The following PAIP2B variants were observed in gnomAD, a reference collection of about 807,000 sequenced individuals.
PAIP2B encodes polyadenylate-binding protein-interacting protein 2B.
PAIP2B carries 13 observed loss-of-function variants against 17.0 expected under a neutral mutation model. The ratio of observed to expected loss-of-function variants is 0.76; its 90% confidence interval spans 0.50 to 1.22. PAIP2B has a LOEUF of 1.22. Ranked by LOEUF, PAIP2B falls within the 50% of genes most tolerant of loss-of-function variation. The pLI is 0.00. For missense variants in PAIP2B, 117 were observed against 144.5 expected (o/e 0.81, Z 0.98); for synonymous variants, 43 against 48.7 (o/e 0.88, Z 0.48).
intron 2 of PAIP2B, among the ~76,000 whole-genome samples, chr2:71,194,870 T>C (rs190758078): frequency 2.0e-5 from 3 of 152,360 alleles, no homozygotes; most frequent in Non-Finnish European, 4.4e-5. Flanking sequence ...GGGTTTGTCA[T>C]AGATGACTCT....
rs888918116 is a variant in PAIP2B at position 71,188,390 on chromosome 2, C to T, written c.*89G>A. 22 of 1,189,128 alleles carry T rather than the reference C, an allele frequency of 1.9e-5. No individual in the cohort carries two copies. The Admixed American group carries it at 2.0e-4, about 11-fold the overall frequency. The allele number at this position is 1,189,128 out of a possible 1,614,324, so 73.7% of individuals were successfully genotyped here. A position where few individuals can be genotyped will look rare whatever the true frequency, so the allele number is the denominator to read the frequency against. On this transcript the variant is annotated 3_prime_UTR_variant, in exon 4 of 4. Coordinates refer to ENST00000244221, the MANE Select transcript of PAIP2B (RefSeq NM_020459.1). ...CCCTTCCCGCTGTGCACCCCTCGCC[C>T]GCCCCATCCCCCTCTTCAGCTCCAC...
chr2:71,194,164 T>C lies in PAIP2B; in HGVS notation c.139-4143A>G, dbSNP rs185945050. Among the ~76,000 whole-genome samples the C allele has an allele frequency of 4.0e-4, 61 of 152,340 alleles. No homozygotes were observed. The East Asian group carries it at 9.4e-3, about 24-fold the overall frequency. ...AGTCAGGTAACGTGATGCCCTCAGCTTTGTTCTTTTTACTTATGATTGCCT... is the reference window on the plus strand; with the variant it reads ...AGTCAGGTAACGTGATGCCCTCAGCCTTGTTCTTTTTACTTATGATTGCCT... On this transcript the variant is annotated intron_variant, in intron 2 of 3. Coordinates refer to ENST00000244221, the MANE Select transcript of PAIP2B (RefSeq NM_020459.1).
intron 2 of PAIP2B, among the ~76,000 whole-genome samples, chr2:71,196,767 T>C (rs540525218): frequency 6.6e-6 from 1 of 152,286 alleles, no homozygotes; most frequent in Admixed American, 6.5e-5. Context: ...CATTATGTAA[T>C]GTCCTTCCCT....
intron 2 of PAIP2B, among the ~76,000 whole-genome samples, chr2:71,190,787 T>TA (rs1264528335): frequency 6.6e-6 from 1 of 152,196 alleles, no homozygotes; most frequent in Non-Finnish European, 1.5e-5. Context: ...CTAGTGGAGA[T>TA]AAAATCAAAG....
chr2:71,211,819 A>G (rs1675309541), intron 1 of PAIP2B, among the ~76,000 whole-genome samples: 2 of 152,226 alleles, frequency 1.3e-5, no homozygotes, highest in South Asian at 4.1e-4. Flanking sequence ...CGTACAGAAC[A>G]GTCATAAAAT....
At chr2:71,220,313 T>C (rs1675549970) in intron 1 of PAIP2B, among the ~76,000 whole-genome samples, 1 of 151,922 alleles carries the variant, frequency 6.6e-6, no homozygotes, top group Admixed American at 6.5e-5. Flanking sequence ...TTTGGGGATT[T>C]ATTTCATAAA....
intron 2 of PAIP2B, among the ~76,000 whole-genome samples, chr2:71,199,058 T>G (rs1674906253): frequency 6.7e-6 from 1 of 148,428 alleles, no homozygotes; most frequent in Non-Finnish European, 1.5e-5. Context: ...TTGAGAGAAC[T>G]GTTTTTTCCC....
intron 1 of PAIP2B, among the ~76,000 whole-genome samples, chr2:71,205,916 T>G (rs911136106): frequency 1.3e-5 from 2 of 152,174 alleles, no homozygotes; most frequent in African/African-American, 4.8e-5. Context: ...AACCATCATG[T>G]AAGTGAGCTT....
intron 1 of PAIP2B, among the ~76,000 whole-genome samples, chr2:71,221,957 G>A (rs1675593376): frequency 1.3e-5 from 2 of 152,176 alleles, no homozygotes; most frequent in African/African-American, 2.4e-5. Flanking sequence ...GCCCAGAAAC[G>A]GAACATGGGA....
chr2:71,185,744 G>C lies in PAIP2B; in HGVS notation c.*2735C>G, dbSNP rs1674521657. 1 of 152,146 alleles carries C rather than the reference G, an allele frequency of 6.6e-6. No homozygotes were observed. The allele number at this position is 152,146 out of a possible 1,614,324, so 9.4% of individuals were successfully genotyped here. The stretch of plus-strand genomic sequence containing the variant: ...GGCCCAAAGACCCAGGGCTGCATTT[G>C]CCCAGGCCTAGGCTGTATCCTTGAA... On this transcript the variant is annotated 3_prime_UTR_variant, in exon 4 of 4. Coordinates refer to ENST00000244221, the MANE Select transcript of PAIP2B (RefSeq NM_020459.1).
intron 2 of PAIP2B, among the ~76,000 whole-genome samples, chr2:71,199,555 T>C (rs1025835256): frequency 6.6e-6 from 1 of 151,442 alleles, no homozygotes; most frequent in Non-Finnish European, 1.5e-5. Context: ...TTTTTCCCCC[T>C]TAACCCAACT....
intron 2 of PAIP2B, among the ~76,000 whole-genome samples, chr2:71,196,100 T>C (rs1674810410): frequency 6.6e-6 from 1 of 152,208 alleles, no homozygotes; most frequent in South Asian, 2.1e-4. Flanking sequence ...CTTTCAGTTG[T>C]GATGTTAGGT....
chr2:71,190,500 C>A (rs918503816), intron 2 of PAIP2B, among the ~76,000 whole-genome samples: 1 of 152,110 alleles, frequency 6.6e-6, no homozygotes, highest in East Asian at 1.9e-4. Flanking sequence ...GGATTCAATG[C>A]GCCTAATGAC....
At chr2:71,225,585 C>T (rs1195842945) in intron 1 of PAIP2B, among the ~76,000 whole-genome samples, 1 of 152,232 alleles carries the variant, frequency 6.6e-6, no homozygotes, top group Non-Finnish European at 1.5e-5. Flanking sequence ...AGGAGCCTAT[C>T]AGTCTTACCC....
chr2:71,211,384 G>C (rs759521101), intron 1 of PAIP2B, among the ~76,000 whole-genome samples: 6 of 152,102 alleles, frequency 3.9e-5, no homozygotes, highest in Non-Finnish European at 7.4e-5. Context: ...CAGATATTCT[G>C]ATTTGTTAGG....
chr2:71,198,842 G>C (rs1245573363), intron 2 of PAIP2B, among the ~76,000 whole-genome samples: 2 of 152,216 alleles, frequency 1.3e-5, no homozygotes, highest in African/African-American at 2.4e-5. Flanking sequence ...TGTCAAACCT[G>C]TTAGGTTCTT....
At chr2:71,189,303 G>A (rs780542928) in intron 3 of PAIP2B, among the ~76,000 whole-genome samples, 32 of 152,098 alleles carry the variant, frequency 2.1e-4, no homozygotes, top group Non-Finnish European at 3.8e-4. Flanking sequence ...GTGAGCCACC[G>A]TGCCCAGCCT....
At chr2:71,225,637 CT>C (rs1553449223) in intron 1 of PAIP2B, among the ~76,000 whole-genome samples, 2 of 152,198 alleles carry the variant, frequency 1.3e-5, no homozygotes, top group Non-Finnish European at 1.5e-5. Flanking sequence ...AAAACCCTCA[CT>C]GTCCAATATC....
intron 1 of PAIP2B, among the ~76,000 whole-genome samples, chr2:71,218,676 A>G (rs577052856): frequency 6.6e-6 from 1 of 151,786 alleles, no homozygotes; most frequent in African/African-American, 2.4e-5. Context: ...CAAGTCCATT[A>G]AAATGTATAT....
Sources: gnomAD v4.1 joint callset for allele counts (sites outside exome capture counted in the v4.1 genomes callset) on GRCh38, gnomAD v4.1.1 for gene constraint, MANE v1.5 for transcripts, NCBI Gene and HGNC (gene_info 2026-07-23, HGNC 2026-07-21) for gene names.